The following MYH10 variants were observed in gnomAD, a reference collection of about 807,000 sequenced individuals.
MYH10 encodes myosin heavy chain 10.
MYH10 carries 55 observed loss-of-function variants against 257.8 expected under a neutral mutation model. That is an observed-to-expected ratio of 0.21 (90% CI 0.17 to 0.27). The LOEUF is 0.27. Among genes scored for constraint, MYH10 ranks in the 10% least tolerant of loss-of-function variants. The pLI, the probability that MYH10 is intolerant of heterozygous loss-of-function variation, is 1.00. For synonymous variants in MYH10, 854 were observed against 921.7 expected (o/e 0.93, Z 1.33); for missense variants, 1,631 against 2,500.6 (o/e 0.65, Z 7.42).
At chr17:8,596,984 A>T (rs446085) in intron 3 of MYH10, among the ~76,000 whole-genome samples, 1 of 152,204 alleles carries the variant, frequency 6.6e-6, no homozygotes, top group South Asian at 2.1e-4. Flanking sequence ...CTGGAGGAGG[A>T]TAACAGGCTT....
chr17:8,548,206 C>T, intron 11 of MYH10, 107 bp downstream of exon 11: 1 of 723,454 alleles, frequency 1.4e-6, no homozygotes, highest in Non-Finnish European at 2.3e-6. Context: ...ACTCAAGGGT[C>T]CCTTCAGAAA....
chr17:8,518,455 C>A (rs1327187079), intron 21 of MYH10, among the ~76,000 whole-genome samples, 176 bp downstream of exon 21: 1 of 152,074 alleles, frequency 6.6e-6, no homozygotes, highest in Non-Finnish European at 1.5e-5. Flanking sequence ...TTTTGTATTG[C>A]AACATCCCAT....
Position 8,492,860 on chromosome 17 carries a change from CT to C in MYH10, c.4373del (p.Gln1458ArgfsTer31). The C allele has an allele frequency of 6.2e-7, 1 of 1,614,112 alleles. No homozygotes were observed. The highest frequency in any genetic ancestry group is 8.5e-7 in the Non-Finnish European group (1 of 1,180,016). On this transcript the variant is annotated frameshift_variant, in exon 33 of 43. Transcript: ENST00000360416. LOFTEE classifies it high-confidence loss of function. Reference sequence around the variant, plus strand: ...GGTCCACCGTGAGGTCGTCCAGCTCCTGCTGCAGGCGGTTCTTGGTCTTCTC... The same window carrying C: ...GGTCCACCGTGAGGTCGTCCAGCTCCGCTGCAGGCGGTTCTTGGTCTTCTC... The part of the protein sequence containing the change: ...KLEKTKNRLQ[Q>X]ELDDLTVDLD...
In MYH10 at chr17:8,535,038, G is replaced by A. The variant is rs781211327; in HGVS notation, c.1894+349C>T. Among the ~76,000 whole-genome samples, 2 of 152,164 alleles carry A rather than the reference G, an allele frequency of 1.3e-5. No homozygotes were observed. Among genetic ancestry groups the A allele is most frequent in the Non-Finnish European group, 2.9e-5 (2 of 68,032 alleles). On this transcript the variant is annotated intron_variant, in intron 16 of 42. Coordinates refer to ENST00000360416, the MANE Select transcript of MYH10 (RefSeq NM_001256012.3). This position sits in a 1 kb window ranked among gnomAD's most constrained non-coding sequence, Gnocchi z 4.3. The stretch of plus-strand genomic sequence containing the variant: ...TCAGCAGGCCTGACACAGGGAAAAT[G>A]GAATGAGCAGGCCTTCTCGGGTTTT...
intron 40 of MYH10, 78 bp downstream of exon 40, chr17:8,480,032 C>CA: frequency 2.7e-6 from 4 of 1,473,092 alleles, no homozygotes; most frequent in Non-Finnish European, 3.7e-6. Flanking sequence ...GGGAGCCCCC[C>CA]CGAAAGGGGC....
chr17:8,617,426 C>T (rs2085308264), intron 2 of MYH10, among the ~76,000 whole-genome samples: 1 of 152,156 alleles, frequency 6.6e-6, no homozygotes, highest in African/African-American at 2.4e-5. Flanking sequence ...AGATACTGCA[C>T]TAGTCCTCAT....
At position 8,490,510 on chromosome 17, in the gene MYH10, C is replaced by T. The variant is rs200997387; in HGVS notation, c.4714G>A (p.Val1572Met). Residue 1572 changes from valine to methionine, a missense_variant, in exon 35 of 43, where the codon GTG (valine) becomes ATG (methionine). Transcript: ENST00000360416. This position sits in a 1 kb window ranked among gnomAD's most constrained non-coding sequence, Gnocchi z 4.1. ...TCCAGCTGGGTCCTCATTTCCTCCA[C>T]CTGCTGCTCTAGGGCCCGTTTGGAT... ...EKSKRALEQQ[V>M]EEMRTQLEEL... is the part of the protein sequence containing the mutation. The T allele has an allele frequency of 3.3e-4, 525 of 1,614,234 alleles. 1 individual carries two copies. The Middle Eastern group carries it at 6.3e-3, about 19-fold the overall frequency.
chr17:8,596,262 C>T (rs557260894), intron 3 of MYH10, among the ~76,000 whole-genome samples: 1 of 151,642 alleles, frequency 6.6e-6, no homozygotes, highest in African/African-American at 2.4e-5. Context: ...AAGTGATTCT[C>T]GTGCCTCAGC....
intron 1 of MYH10, among the ~76,000 whole-genome samples, chr17:8,625,753 T>C (rs1403450910): frequency 1.3e-5 from 2 of 152,172 alleles, no homozygotes; most frequent in African/African-American, 4.8e-5. Context: ...AGTGCTGGGA[T>C]TACAAGCGTG....
chr17:8,630,130 C>G (rs1487289953), intron 1 of MYH10, among the ~76,000 whole-genome samples: 1 of 151,968 alleles, frequency 6.6e-6, no homozygotes, highest in African/African-American at 2.4e-5. Flanking sequence ...CAGCGCCCCC[C>G]CACCCTACCG....
At chr17:8,596,153 CTT>C (rs11347837) in intron 3 of MYH10, among the ~76,000 whole-genome samples, 227 of 110,396 alleles carry the variant, frequency 2.1e-3, no homozygotes, top group Middle Eastern at 0.014. Context: ...TATTTTCTGA[CTT>C]TTTTTTTTTT....
At chr17:8,520,707 A>C (rs1343030542) in intron 19 of MYH10, among the ~76,000 whole-genome samples, 171 bp downstream of exon 19, 1 of 152,132 alleles carries the variant, frequency 6.6e-6, no homozygotes, top group Non-Finnish European at 1.5e-5. Flanking sequence ...TCCTACCAAT[A>C]ATCAAGGTAG....
intron 7 of MYH10, among the ~76,000 whole-genome samples, chr17:8,567,752 C>T (rs1335784026): frequency 6.6e-6 from 1 of 152,174 alleles, no homozygotes; most frequent in South Asian, 2.1e-4. Flanking sequence ...ACATAACCAA[C>T]TCCATTTTTG....
At chr17:8,546,761 TG>T (rs2082458006) in intron 11 of MYH10, 99 bp from the exon 12 acceptor site, 2 of 803,968 alleles carry the variant, frequency 2.5e-6, no homozygotes, top group East Asian at 5.6e-5. Context: ...ACAATTAAAT[TG>T]TATTAAGAAA....
Position 8,518,619 on chromosome 17 carries a change from A to G in MYH10, c.2504+12T>C, listed in dbSNP as rs2081553976. ...TCCTCAGTGAACGATTAATTCGTGA[A>G]TACCCACTCACTTTCTGGCCAGGTA... On this transcript the variant is annotated intron_variant, in intron 21 of 42. Coordinates refer to ENST00000360416, the MANE Select transcript of MYH10 (RefSeq NM_001256012.3). The G allele has an allele frequency of 6.2e-7, 1 of 1,608,158 alleles. No homozygotes were observed. Among genetic ancestry groups the G allele is most frequent in the Non-Finnish European group, 8.5e-7 (1 of 1,177,342 alleles).
intron 3 of MYH10, among the ~76,000 whole-genome samples, 193 bp from the exon 4 acceptor site, chr17:8,589,301 G>GC (rs1031832755): frequency 6.5e-5 from 5 of 77,498 alleles, no homozygotes; most frequent in Admixed American, 2.2e-4. Context: ...CTATTATTAT[G>GC]CCAGAGTCTC....
At chr17:8,551,543 C>G (rs1196305259) in intron 9 of MYH10, among the ~76,000 whole-genome samples, 2 of 152,172 alleles carry the variant, frequency 1.3e-5, no homozygotes, top group Non-Finnish European at 2.9e-5. Flanking sequence ...CAGCAAAATT[C>G]TGACCCAGAC....
intron 7 of MYH10, among the ~76,000 whole-genome samples, chr17:8,564,166 CTAAA>C (rs1336222033): frequency 2.0e-5 from 3 of 152,158 alleles, no homozygotes; most frequent in Admixed American, 1.3e-4. Flanking sequence ...TAATGCTCTC[CTAAA>C]TAAAGAATCC....
intron 4 of MYH10, among the ~76,000 whole-genome samples, chr17:8,580,089 T>C (rs2083645686): frequency 6.6e-6 from 1 of 151,908 alleles, no homozygotes; most frequent in Admixed American, 6.6e-5. Context: ...ATCTTGCCAC[T>C]GCACTCAAGC....
Sources: allele counts gnomAD v4.1 joint callset (sites outside exome capture counted in the v4.1 genomes callset), GRCh38; gene constraint gnomAD v4.1.1; non-coding constraint Gnocchi (gnomAD v3.1); transcripts MANE v1.5; gene names NCBI Gene and HGNC (gene_info 2026-07-23, HGNC 2026-07-21).